Variants in PKHD1L1 observed in about 807,000 individuals in gnomAD.
PKHD1L1 encodes PKHD1 like 1.
PKHD1L1 carries 434 observed loss-of-function variants against 462.9 expected under a neutral mutation model. That is an observed-to-expected ratio of 0.94 (90% CI 0.87 to 1.02). The LOEUF is 1.02. PKHD1L1 is among the 50% of genes least tolerant of loss of function. PKHD1L1 has a pLI of 0.00. For synonymous variants in PKHD1L1, 1,781 were observed against 1,750.0 expected, an observed-to-expected ratio of 1.02 and a Z score of -0.44; for missense variants, 5,202 against 5,096.1, an observed-to-expected ratio of 1.02 and a Z score of -0.63.
At chr8:109,430,391 C>A (rs905088362) in intron 27 of PKHD1L1, among the ~76,000 whole-genome samples, 3 of 152,196 alleles carry the variant, frequency 2.0e-5, no homozygotes, top group Admixed American at 2.0e-4. Flanking sequence ...TAAGTGGAGT[C>A]TTTTATTCTA....
At chr8:109,384,904 T>C (rs1395044846) in intron 5 of PKHD1L1, among the ~76,000 whole-genome samples, 1 of 152,074 alleles carries the variant, frequency 6.6e-6, no homozygotes, top group Non-Finnish European at 1.5e-5. Flanking sequence ...ATTTTTCTTA[T>C]TAAGTTACAA....
At chr8:109,426,948 C>T (rs568397131) in intron 24 of PKHD1L1, 54 bp from the exon 25 acceptor site, 10 of 1,022,766 alleles carry the variant, frequency 9.8e-6, no homozygotes, top group East Asian at 7.1e-5. Context: ...CCACCACATC[C>T]GGCCCGTTTG....
chr8:109,491,899 C>G lies in PKHD1L1; in HGVS notation c.10141C>G (p.Arg3381Gly), dbSNP rs200149971. 5.6e-6 allele frequency: 9 copies of G among 1,603,550 alleles called. No homozygotes were observed. Among genetic ancestry groups the G allele is most frequent in the Admixed American group, 5.0e-5 (3 of 59,554 alleles). ...EGIRIWGNAN[R>G]VRGNLIALSV... ...CATAAGAATATGGGGGAATGCCAAC[C>G]GAGTCCGAGGGAATTTGATTGCACT... The change falls in exon 62 of 78, where the codon CGA becomes GGA. Residue 3381 changes from arginine (R) to glycine (G), a missense_variant. Transcript: ENST00000378402.
In PKHD1L1 at chr8:109,475,121, C is replaced by T. The variant is rs770896466; in HGVS notation, c.8609C>T (p.Thr2870Ile). 3 of 1,607,074 alleles carry T rather than the reference C, an allele frequency of 1.9e-6. No homozygotes were observed. In the Admixed American group the frequency reaches 5.1e-5, roughly 27 times the overall value. Residue 2870 changes from threonine (T) to isoleucine (I), a missense_variant, in exon 51 of 78, where the codon ACA becomes ATA. Thr to Ile is a moderately conservative substitution (Grantham distance 89). Coordinates refer to ENST00000378402, the MANE Select transcript of PKHD1L1 (RefSeq NM_177531.6). ...KDVVLSDSFG[T>I]SIIPFQKKRL... ...CTTGTTCTATGTTCTCCTATAGGCA[C>T]AAGCATTATTCCATTTCAGAAGAAA...
At chr8:109,497,575 C>T (rs1034244372) in intron 65 of PKHD1L1, among the ~76,000 whole-genome samples, 9 of 151,764 alleles carry the variant, frequency 5.9e-5, no homozygotes, top group Admixed American at 1.3e-4. Flanking sequence ...TACAGGTGCC[C>T]GCCACCACGC....
At chr8:109,388,002 T>A (rs976025355) in intron 6 of PKHD1L1, among the ~76,000 whole-genome samples, 5 of 152,196 alleles carry the variant, frequency 3.3e-5, no homozygotes, top group Admixed American at 1.3e-4. Context: ...CTTCTCAGCT[T>A]CTTATTTTCA....
Position 109,464,413 on chromosome 8 carries a change from T to C in PKHD1L1, c.7581T>C (p.Phe2527=), listed in dbSNP as rs376916141. 3.1e-6 allele frequency: 5 copies of C among 1,613,552 alleles called. No individual in the cohort carries two copies. The African/African-American group carries it at 5.3e-5, about 17-fold the overall frequency. ...IIYDIKGGAF[F]IEDGIEHGNI... ...ATGATATTAAGGGAGGAGCATTTTT[T>C]ATAGAAGATGGTATTGAACATGGCA... Residue 2527 remains phenylalanine (F), a synonymous_variant, in exon 49 of 78, where the codon TTT becomes TTC. Coordinates refer to ENST00000378402, the MANE Select transcript of PKHD1L1 (RefSeq NM_177531.6).
intron 77 of PKHD1L1, among the ~76,000 whole-genome samples, chr8:109,528,351 A>G (rs1030755913): frequency 6.6e-6 from 1 of 152,224 alleles, no homozygotes; most frequent in Non-Finnish European, 1.5e-5. Flanking sequence ...CCTATCCTCC[A>G]TATTGCTGTC....
At chr8:109,504,888 G>T in intron 68 of PKHD1L1, among the ~76,000 whole-genome samples, 1 of 151,980 alleles carries the variant, frequency 6.6e-6, no homozygotes, top group East Asian at 1.9e-4. Context: ...AGGAGTTTGA[G>T]GACATCCTGG....
chr8:109,478,687 A>T (rs1818121608), intron 53 of PKHD1L1, among the ~76,000 whole-genome samples: 1 of 152,106 alleles, frequency 6.6e-6, no homozygotes, highest in Admixed American at 6.6e-5. Flanking sequence ...TCTGAGGTAG[A>T]TATAATTATT....
chr8:109,471,054 C>T (rs1205174387), intron 50 of PKHD1L1: 10 of 1,587,722 alleles, frequency 6.3e-6, no homozygotes, highest in East Asian at 2.2e-5. Flanking sequence ...ACACCTTCTG[C>T]GATGAAATCT....
chr8:109,365,309 A>C (rs1811174577), intron 2 of PKHD1L1, among the ~76,000 whole-genome samples: 1 of 152,230 alleles, frequency 6.6e-6, no homozygotes, highest in African/African-American at 2.4e-5. Flanking sequence ...AGAAACATTT[A>C]AAAATATTAG....
Position 109,486,663 on chromosome 8 carries a change from T to A in PKHD1L1, c.9722T>A (p.Val3241Asp), listed in dbSNP as rs752559383. Residue 3241 changes from valine to aspartate, a missense_variant, in exon 59 of 78, where the codon GTC becomes GAC. Transcript: ENST00000378402. ...SYTHFAEKYHVPGTGESYTLA... is the reference protein window; with the variant it reads ...SYTHFAEKYHDPGTGESYTLA... ...TATACTGCAGCTGAAAAATACCATG[T>A]CCCTGGAACTGGTGAGAGCTACACG... The A allele has an allele frequency of 6.8e-6, 11 of 1,610,828 alleles. No individual in the cohort carries two copies. Among genetic ancestry groups the A allele is most frequent in the Non-Finnish European group, 9.3e-6 (11 of 1,178,270 alleles).
intron 32 of PKHD1L1, among the ~76,000 whole-genome samples, chr8:109,439,560 G>C (rs1270319704): frequency 6.6e-6 from 1 of 152,122 alleles, no homozygotes; most frequent in African/African-American, 2.4e-5. Flanking sequence ...GTCTATAATA[G>C]AGAGAGCTAA....
chr8:109,482,488 A>G (rs932187678), intron 56 of PKHD1L1, among the ~76,000 whole-genome samples: 2 of 151,752 alleles, frequency 1.3e-5, no homozygotes, highest in Non-Finnish European at 3.0e-5. Flanking sequence ...ATCTATGCCT[A>G]TATTCATATT....
intron 57 of PKHD1L1, among the ~76,000 whole-genome samples, chr8:109,484,199 G>A (rs1232436809): frequency 1.3e-5 from 2 of 151,838 alleles, no homozygotes; most frequent in Non-Finnish European, 2.9e-5. Context: ...GTTTTTATTT[G>A]TGATAGTTCT....
intron 41 of PKHD1L1, among the ~76,000 whole-genome samples, chr8:109,451,891 G>A (rs936080215): frequency 2.6e-5 from 4 of 152,090 alleles, no homozygotes; most frequent in African/African-American, 9.6e-5. Flanking sequence ...CCCAACACTG[G>A]AACATCTGCT....
intron 25 of PKHD1L1, among the ~76,000 whole-genome samples, chr8:109,428,542 G>C (rs2130683404): frequency 6.6e-6 from 1 of 152,182 alleles, no homozygotes; most frequent in South Asian, 2.1e-4. Flanking sequence ...ATAGTCATAA[G>C]GATATGGGGG....
chr8:109,402,174 A>C (rs1813306009), intron 14 of PKHD1L1, among the ~76,000 whole-genome samples: 1 of 152,200 alleles, frequency 6.6e-6, no homozygotes, highest in African/African-American at 2.4e-5. Flanking sequence ...GGAAACAGGA[A>C]GATAAAAGAC....
Sources: gnomAD v4.1 joint callset for allele counts (sites outside exome capture counted in the v4.1 genomes callset) on GRCh38, gnomAD v4.1.1 for gene constraint, MANE v1.5 for transcripts, NCBI Gene and HGNC (gene_info 2026-07-23, HGNC 2026-07-21) for gene names.